The following BMPR1A variants were observed in gnomAD, a reference collection of about 807,000 sequenced individuals.
BMPR1A encodes the protein bone morphogenetic protein receptor type 1A.
A neutral mutation model predicts 66.0 loss-of-function variants in BMPR1A; 7 were observed. That is an observed-to-expected ratio of 0.11 (90% CI 0.06 to 0.20). The LOEUF is 0.20. Ranked by LOEUF, BMPR1A falls within the 10% of genes least tolerant of loss-of-function variation. The pLI, the probability that BMPR1A is intolerant of heterozygous loss-of-function variation, is 1.00. For missense variants in BMPR1A, 408 were observed against 669.1 expected (o/e 0.61, Z 4.31); for synonymous variants, 200 against 229.7 (o/e 0.87, Z 1.17).
At chr10:86,881,676 T>A (rs1007818238) in intron 3 of BMPR1A, among the ~76,000 whole-genome samples, 3 of 152,192 alleles carry the variant, frequency 2.0e-5, no homozygotes, top group African/African-American at 4.8e-5. Context: ...GCCAGGAGGA[T>A]GTGATCAGAA....
intron 2 of BMPR1A, among the ~76,000 whole-genome samples, chr10:86,857,558 T>C (rs1170045258): frequency 1.3e-5 from 2 of 152,140 alleles, no homozygotes; most frequent in African/African-American, 4.8e-5. Flanking sequence ...AATCTTTATG[T>C]TTCACAAGGT....
At chr10:86,800,671 G>A (rs1011133510) in intron 1 of BMPR1A, among the ~76,000 whole-genome samples, 1 of 152,210 alleles carries the variant, frequency 6.6e-6, no homozygotes, top group Non-Finnish European at 1.5e-5. Flanking sequence ...GGGATTACAG[G>A]CATGAGCCAC....
chr10:86,848,560 T>C (rs1339635782), intron 2 of BMPR1A, among the ~76,000 whole-genome samples: 4 of 152,154 alleles, frequency 2.6e-5, no homozygotes, highest in Non-Finnish European at 1.5e-5. Context: ...TTAACTCCAC[T>C]TTTTTGTTAT....
At chr10:86,799,361 T>A (rs1352167993) in intron 1 of BMPR1A, among the ~76,000 whole-genome samples, 1 of 152,110 alleles carries the variant, frequency 6.6e-6, no homozygotes, top group African/African-American at 2.4e-5. Flanking sequence ...AAAACTAGAG[T>A]GTGAAAATGC....
At chr10:86,811,028 T>C (rs1841962663) in intron 1 of BMPR1A, among the ~76,000 whole-genome samples, 1 of 151,816 alleles carries the variant, frequency 6.6e-6, no homozygotes, top group African/African-American at 2.4e-5. Flanking sequence ...ACCCGGCCCG[T>C]TTTTGGTTTT....
At chr10:86,821,574 A>G (rs1250398497) in intron 1 of BMPR1A, among the ~76,000 whole-genome samples, 2 of 152,128 alleles carry the variant, frequency 1.3e-5, no homozygotes, top group Admixed American at 1.3e-4. Flanking sequence ...GGCTGCATTT[A>G]TACCTCCCAA....
intron 2 of BMPR1A, among the ~76,000 whole-genome samples, chr10:86,871,455 A>G (rs922249957): frequency 6.6e-6 from 1 of 152,230 alleles, no homozygotes; most frequent in Admixed American, 6.5e-5. Context: ...GAATAAATTA[A>G]TAATTCAACG....
chr10:86,918,962 A>G (rs907958663), intron 9 of BMPR1A, among the ~76,000 whole-genome samples: 1 of 152,206 alleles, frequency 6.6e-6, no homozygotes, highest in Non-Finnish European at 1.5e-5. Context: ...GATTATTAAG[A>G]TTATTATAAA....
At position 86,917,283 on chromosome 10, in the gene BMPR1A, A is replaced by C. The variant is rs1345972234; in HGVS notation, c.825A>C (p.Thr275=). 1 of 1,614,050 alleles carries C rather than the reference A, an allele frequency of 6.2e-7. No homozygotes were observed. The highest frequency in any genetic ancestry group is 8.5e-7 in the Non-Finnish European group (1 of 1,180,026). The change falls in exon 9 of 13, where the codon ACA becomes ACC. Residue 275 remains threonine (T), a synonymous_variant. Transcript: ENST00000372037. ...TTEEASWFRE[T]EIYQTVLMRH... ...AAGAAGCCAGCTGGTTTCGAGAAAC[A>C]GAAATCTACCAAACTGTGCTAATGC...
At chr10:86,912,451 C>G (rs1843505876) in intron 8 of BMPR1A, 67 bp downstream of exon 8, 7 of 1,578,812 alleles carry the variant, frequency 4.4e-6, no homozygotes, top group Non-Finnish European at 6.1e-6. Context: ...TGATGGTGGA[C>G]AGTATAATTA....
intron 1 of BMPR1A, among the ~76,000 whole-genome samples, chr10:86,759,475 G>A (rs1840994133): frequency 1.3e-5 from 2 of 152,132 alleles, no homozygotes; most frequent in South Asian, 2.1e-4. Context: ...ATTGTTCTGA[G>A]CTGCTTTTCC....
At chr10:86,864,202 A>G (rs1392366837) in intron 2 of BMPR1A, among the ~76,000 whole-genome samples, 1 of 152,154 alleles carries the variant, frequency 6.6e-6, no homozygotes, top group Non-Finnish European at 1.5e-5. Flanking sequence ...CCTGCTAATT[A>G]GACAGGCACA....
intron 2 of BMPR1A, among the ~76,000 whole-genome samples, chr10:86,847,401 G>C (rs1374427691): frequency 6.6e-6 from 1 of 151,794 alleles, no homozygotes; most frequent in Non-Finnish European, 1.5e-5. Context: ...TTTAACCTCT[G>C]ATTATATCTT....
At chr10:86,764,904 G>A (rs1841138646) in intron 1 of BMPR1A, among the ~76,000 whole-genome samples, 1 of 152,170 alleles carries the variant, frequency 6.6e-6, no homozygotes, top group Admixed American at 6.5e-5. Flanking sequence ...TACTGTTAGG[G>A]ATACATTGGA....
At chr10:86,868,757 C>G (rs1377419538) in intron 2 of BMPR1A, among the ~76,000 whole-genome samples, 1 of 141,924 alleles carries the variant, frequency 7.0e-6, no homozygotes, top group Non-Finnish European at 1.5e-5. Flanking sequence ...GTTTTTTCAA[C>G]TGACTTCAGC....
In BMPR1A at chr10:86,925,525, A is replaced by T; in HGVS notation, c.*1806A>T. On this transcript the variant is annotated 3_prime_UTR_variant, in exon 13 of 13. Transcript: ENST00000372037. Reference sequence around the variant, plus strand: ...GCCATAATTAAAGTCTGAAGTGTTCATCAAGATAAGTAAATTTGCATATGG... The same window carrying T: ...GCCATAATTAAAGTCTGAAGTGTTCTTCAAGATAAGTAAATTTGCATATGG... The T allele has an allele frequency of 4.9e-6, 1 of 202,040 alleles. No individual in the cohort carries two copies. The highest frequency in any genetic ancestry group is 1.0e-5 in the Non-Finnish European group (1 of 98,578). 12.5% of individuals were successfully genotyped at this position (202,040 alleles called of 1,614,324 possible).
intron 5 of BMPR1A, among the ~76,000 whole-genome samples, chr10:86,893,978 AGT>A (rs1450999713): frequency 6.6e-6 from 1 of 152,232 alleles, no homozygotes; most frequent in Non-Finnish European, 1.5e-5. Context: ...AAGTAAAAAA[AGT>A]GCTTCATCCT....
chr10:86,892,391 A>C (rs1233068629), intron 5 of BMPR1A, among the ~76,000 whole-genome samples, 162 bp downstream of exon 5: 2 of 152,216 alleles, frequency 1.3e-5, no homozygotes, highest in Non-Finnish European at 2.9e-5. Flanking sequence ...CTGTATTCAT[A>C]TGTAGAATTT....
chr10:86,920,621 A>G (rs1002981457), intron 10 of BMPR1A, among the ~76,000 whole-genome samples: 2 of 152,188 alleles, frequency 1.3e-5, no homozygotes, highest in Admixed American at 6.5e-5. Flanking sequence ...AACGCATTAT[A>G]TTGATCACTG....
Sources: gnomAD v4.1 joint callset for allele counts (sites outside exome capture counted in the v4.1 genomes callset) on GRCh38, gnomAD v4.1.1 for gene constraint, MANE v1.5 for transcripts, NCBI Gene and HGNC (gene_info 2026-07-23, HGNC 2026-07-21) for gene names.